KRIT1: variants seen among roughly 807,000 people sequenced by gnomAD.
KRIT1 encodes the protein KRIT1 ankyrin repeat containing.
In KRIT1, 45 loss-of-function variants were observed where a neutral mutation model predicts 95.8. That is an observed-to-expected ratio of 0.47 (90% CI 0.37 to 0.60). The LOEUF (loss-of-function observed/expected upper bound fraction) is 0.60, where lower values mean the gene tolerates loss of function less well. Among genes scored for constraint, KRIT1 ranks in the 20% least tolerant of loss-of-function variants. The pLI is 0.00. For missense variants in KRIT1, 788 were observed against 877.5 expected (o/e 0.90, Z 1.29); for synonymous variants, 282 against 278.8 (o/e 1.01, Z -0.11).
chr7:92,210,654 A>G (rs1306072484), intron 17 of KRIT1, among the ~76,000 whole-genome samples: 1 of 152,262 alleles, frequency 6.6e-6, no homozygotes, highest in African/African-American at 2.4e-5. Context: ...CTTCAAAAGC[A>G]TAGGCAACAA....
intron 3 of KRIT1, among the ~76,000 whole-genome samples, chr7:92,243,767 TAAATA>T (rs1370813449): frequency 1.3e-5 from 2 of 152,156 alleles, no homozygotes; most frequent in Non-Finnish European, 2.9e-5. Context: ...ACAAAAATTT[TAAATA>T]AAATAATTTA....
chr7:92,234,637 A>T (rs747587570), intron 9 of KRIT1, 45 bp from the exon 10 acceptor site: 24 of 1,543,772 alleles, frequency 1.6e-5, no homozygotes, highest in Admixed American at 3.3e-5. Flanking sequence ...AGGACTGTAA[A>T]AATTGTTTCA....
At chr7:92,204,686 C>T (rs1297809566) in intron 17 of KRIT1, among the ~76,000 whole-genome samples, 1 of 152,016 alleles carries the variant, frequency 6.6e-6, no homozygotes, top group African/African-American at 2.4e-5. Context: ...TCTAATGCCA[C>T]CGTTGATCTG....
At chr7:92,205,218 T>C (rs578003800) in intron 17 of KRIT1, among the ~76,000 whole-genome samples, 1 of 152,080 alleles carries the variant, frequency 6.6e-6, no homozygotes, top group African/African-American at 2.4e-5. Context: ...TGGTGGCACA[T>C]GCCTATAATC....
intron 10 of KRIT1, among the ~76,000 whole-genome samples, chr7:92,228,021 T>C (rs896198276): frequency 4.0e-5 from 6 of 151,280 alleles, no homozygotes; most frequent in African/African-American, 1.5e-4. Context: ...TCAGTGGGGG[T>C]TGCGGCGGGG....
intron 14 of KRIT1, among the ~76,000 whole-genome samples, chr7:92,221,694 T>A (rs1795184409): frequency 6.6e-6 from 1 of 152,186 alleles, no homozygotes; most frequent in South Asian, 2.1e-4. Context: ...GCTCCCTATT[T>A]CTTTTGTATT....
chr7:92,219,598 T>C (rs915021828), intron 14 of KRIT1, among the ~76,000 whole-genome samples: 5 of 152,234 alleles, frequency 3.3e-5, no homozygotes, highest in African/African-American at 4.8e-5. Context: ...TTCATTCTTC[T>C]TAAGATTGCT....
chr7:92,222,050 A>G lies in KRIT1; in HGVS notation c.1415T>C (p.Leu472Pro). 6.2e-7 allele frequency: 1 copy of G among 1,612,280 alleles called. No individual in the cohort carries two copies. The highest frequency in any genetic ancestry group is 8.5e-7 in the Non-Finnish European group (1 of 1,178,362). The stretch of plus-strand genomic sequence containing the variant: ...GGGTTTATGATATGGTTTGAGTTGA[A>G]GGCCTGAAAAACATCATTCCTTTTA... The part of the protein sequence containing the change: ...TIWICSENLS[L>P]QLKPYHKPLQ... Residue 472 changes from leucine to proline, a missense_variant, in exon 14 of 19, where the codon CTT becomes CCT. This residue lies in a region of KRIT1 where 493 missense variants were observed against 582.3 expected (regional missense o/e 0.85). Coordinates refer to ENST00000394505, the MANE Select transcript of KRIT1 (RefSeq NM_194454.3).
At chr7:92,217,245 TATCA>T (rs1243095551) in intron 14 of KRIT1, among the ~76,000 whole-genome samples, 4 of 152,244 alleles carry the variant, frequency 2.6e-5, no homozygotes, top group African/African-American at 9.6e-5. Context: ...ATTTTATAGC[TATCA>T]TACATTTTTT....
At chr7:92,224,783 T>C (rs1232215097) in intron 12 of KRIT1, among the ~76,000 whole-genome samples, 1 of 152,202 alleles carries the variant, frequency 6.6e-6, no homozygotes, top group Admixed American at 6.5e-5. Context: ...GACTGAATGA[T>C]GTGCAATGCT....
chr7:92,241,800 T>C (rs1326739385), intron 4 of KRIT1, among the ~76,000 whole-genome samples: 2 of 152,238 alleles, frequency 1.3e-5, no homozygotes, highest in Non-Finnish European at 2.9e-5. Flanking sequence ...AACTGAAAGC[T>C]ATATATTGTA....
chr7:92,214,913 A>AT, intron 14 of KRIT1, 136 bp from the exon 15 acceptor site: 1 of 669,166 alleles, frequency 1.5e-6, no homozygotes, highest in South Asian at 1.8e-5. Flanking sequence ...GTTGGCAAAC[A>AT]TTTTTTTATT....
chr7:92,222,957 T>C lies in KRIT1; in HGVS notation c.1276A>G (p.Arg426Gly), dbSNP rs753111458. 21 of 1,610,424 alleles carry C rather than the reference T, an allele frequency of 1.3e-5. No homozygotes were observed. The highest frequency in any genetic ancestry group is 1.8e-5 in the Non-Finnish European group (21 of 1,177,036). The change falls in exon 13 of 19, where the codon AGA becomes GGA. Residue 426 changes from arginine to glycine, a missense_variant. Physicochemically the swap from Arg to Gly is moderately radical, Grantham distance 125 (BLOSUM62 -2). This residue lies in a region of KRIT1 where 493 missense variants were observed against 582.3 expected (regional missense o/e 0.85). Transcript: ENST00000394505. ...NKPYEKVRIY[R>G]MDGSYRSVEL... Reference sequence around the variant, plus strand: ...ACAGAACGATATGACCCATCCATTCTGTATATTCGAACTTTTTCATACTAC... The same window carrying C: ...ACAGAACGATATGACCCATCCATTCCGTATATTCGAACTTTTTCATACTAC...
At position 92,225,716 on chromosome 7, in the gene KRIT1, T is replaced by G; in HGVS notation, c.1254+4A>C. On this transcript the variant is annotated splice_donor_region_variant and intron_variant, in intron 12 of 18. Transcript: ENST00000394505. Reference sequence around the variant, plus strand: ...CTGGCTCTAACTATGAAGATAATTCTTACTGGTTTGTTAATTGCTTCCTTC... The same window carrying G: ...CTGGCTCTAACTATGAAGATAATTCGTACTGGTTTGTTAATTGCTTCCTTC... The G allele has an allele frequency of 1.4e-6, 2 of 1,455,086 alleles. No homozygotes were observed. The highest frequency in any genetic ancestry group is 1.1e-5 in the South Asian group (1 of 87,728). 90.1% of individuals were successfully genotyped at this position (1,455,086 alleles called of 1,614,324 possible).
At chr7:92,230,490 C>A (rs1341538498) in intron 10 of KRIT1, among the ~76,000 whole-genome samples, 1 of 152,038 alleles carries the variant, frequency 6.6e-6, no homozygotes, top group African/African-American at 2.4e-5. Context: ...GGAAACAGAT[C>A]AAAAACTCAG....
chr7:92,214,863 A>C, intron 14 of KRIT1, 86 bp from the exon 15 acceptor site: 1 of 907,156 alleles, frequency 1.1e-6, no homozygotes, highest in South Asian at 1.4e-5. Flanking sequence ...CAAAAGCTAC[A>C]TATTTGTATA....
chr7:92,235,028 C>T, intron 8 of KRIT1, 105 bp from the exon 9 acceptor site: 1 of 696,114 alleles, frequency 1.4e-6, no homozygotes, highest in Non-Finnish European at 2.6e-6. Flanking sequence ...GAGAATGAGT[C>T]TTGCTCTGTT....
At chr7:92,227,992 G>A (rs2131549183) in intron 10 of KRIT1, among the ~76,000 whole-genome samples, 1 of 152,154 alleles carries the variant, frequency 6.6e-6, no homozygotes, top group East Asian at 2.0e-4. Flanking sequence ...GAGGCTGGGT[G>A]ACAGAGCAAG....
intron 17 of KRIT1, among the ~76,000 whole-genome samples, chr7:92,208,637 G>A (rs1156459345): frequency 6.6e-6 from 1 of 151,972 alleles, no homozygotes; most frequent in Non-Finnish European, 1.5e-5. Context: ...CCTGGACACA[G>A]ACAACCTACC....
Sources: gnomAD v4.1 joint callset for allele counts (sites outside exome capture counted in the v4.1 genomes callset) on GRCh38, gnomAD v4.1.1 for gene constraint, gnomAD v4.1.1 regional missense constraint, MANE v1.5 for transcripts, NCBI Gene and HGNC (gene_info 2026-07-23, HGNC 2026-07-21) for gene names.